PAK5: variants seen among roughly 807,000 people sequenced by gnomAD.
PAK5 encodes serine/threonine-protein kinase PAK 5.
PAK5 carries 16 observed loss-of-function variants against 65.9 expected under a neutral mutation model. The observed-to-expected ratio is 0.24, with a 90% CI of 0.16 to 0.37. The LOEUF (loss-of-function observed/expected upper bound fraction) is 0.37. Among genes scored for constraint, PAK5 ranks in the 10% least tolerant of loss-of-function variants. The pLI, the probability that PAK5 is intolerant of heterozygous loss-of-function variation, is 1.00. For synonymous variants in PAK5, 371 were observed against 354.9 expected, an observed-to-expected ratio of 1.05 and a Z score of -0.51; for missense variants, 785 against 903.9, an observed-to-expected ratio of 0.87 and a Z score of 1.69.
chr20:9,795,138 C>A (rs914859455), intron 1 of PAK5, among the ~76,000 whole-genome samples: 5 of 151,974 alleles, frequency 3.3e-5, no homozygotes, highest in Admixed American at 1.3e-4. Context: ...AAGAGGAACA[C>A]ATTAGTAGGC....
At chr20:9,637,105 A>G (rs1303588417) in intron 3 of PAK5, among the ~76,000 whole-genome samples, 1 of 152,162 alleles carries the variant, frequency 6.6e-6, no homozygotes, top group Non-Finnish European at 1.5e-5. Flanking sequence ...GGCTCAAACG[A>G]TCCTCCCACC....
chr20:9,574,835 T>C (rs2122985559), intron 4 of PAK5, among the ~76,000 whole-genome samples: 1 of 152,318 alleles, frequency 6.6e-6, no homozygotes, highest in South Asian at 2.1e-4. Context: ...TATTAAGTGA[T>C]CAAGTGCTTC....
At chr20:9,778,179 C>T (rs1170409734) in intron 1 of PAK5, among the ~76,000 whole-genome samples, 1 of 152,028 alleles carries the variant, frequency 6.6e-6, no homozygotes, top group Non-Finnish European at 1.5e-5. Flanking sequence ...ATAACTTCTC[C>T]GTGATGAAGA....
chr20:9,580,526 C>T lies in PAK5; in HGVS notation c.609G>A (p.Leu203=), dbSNP rs2123013784. 6.2e-7 allele frequency: 1 copy of T among 1,614,078 alleles called. No homozygotes were observed. The highest frequency in any genetic ancestry group is 2.2e-5 in the East Asian group (1 of 44,870). ...ARFSADYHSH[L]DSLSKPSEYS... is the part of the protein sequence containing the mutation. Reference sequence around the variant, plus strand: ...ATTCACTTGGTTTGCTCAGTGAGTCCAAATGTGAGTGATAATCGGCAGAAA... The same window carrying T: ...ATTCACTTGGTTTGCTCAGTGAGTCTAAATGTGAGTGATAATCGGCAGAAA... The change falls in exon 4 of 10, where the codon TTG becomes TTA. Residue 203 remains leucine, a synonymous_variant. Transcript: ENST00000353224.
intron 1 of PAK5, among the ~76,000 whole-genome samples, chr20:9,812,168 T>C (rs2049304996): frequency 6.6e-6 from 1 of 152,024 alleles, no homozygotes; most frequent in Non-Finnish European, 1.5e-5. Flanking sequence ...AGCATTAAAA[T>C]AAAAGACTAT....
intron 2 of PAK5, among the ~76,000 whole-genome samples, chr20:9,648,545 A>G (rs2047163614): frequency 6.6e-6 from 1 of 152,000 alleles, no homozygotes; most frequent in Non-Finnish European, 1.5e-5. Flanking sequence ...GGAACTTGCT[A>G]AAATCCAAGT....
At chr20:9,652,755 T>C (rs2047218256) in intron 2 of PAK5, among the ~76,000 whole-genome samples, 1 of 152,176 alleles carries the variant, frequency 6.6e-6, no homozygotes, top group African/African-American at 2.4e-5. Context: ...CCTTTTCTTC[T>C]TTTGTGGATC....
chr20:9,669,503 T>C (rs1380450213), intron 2 of PAK5, among the ~76,000 whole-genome samples: 1 of 152,136 alleles, frequency 6.6e-6, no homozygotes. Flanking sequence ...GAATTTCTTT[T>C]TGGATTAAAA....
intron 1 of PAK5, among the ~76,000 whole-genome samples, chr20:9,759,622 C>G (rs1168372145): frequency 2.0e-5 from 3 of 152,270 alleles, no homozygotes; most frequent in South Asian, 2.1e-4. Flanking sequence ...TAGCCCTGCC[C>G]TGAACAAAGT....
At chr20:9,560,258 T>C (rs1568963269) in intron 6 of PAK5, among the ~76,000 whole-genome samples, 2 of 152,150 alleles carry the variant, frequency 1.3e-5, no homozygotes, top group African/African-American at 4.8e-5. Flanking sequence ...TTCTTTCCTA[T>C]AGGAAAAAAG....
chr20:9,550,543 T>C lies in PAK5; in HGVS notation c.1744-6049A>G, dbSNP rs953453714. Reference sequence around the variant, plus strand: ...TAGGTGGTGGTTAAATCTGAAAGACTGGGTTTATAAAGGTATCATTTATAC... The same window carrying C: ...TAGGTGGTGGTTAAATCTGAAAGACCGGGTTTATAAAGGTATCATTTATAC... On this transcript the variant is annotated intron_variant, in intron 7 of 9. Transcript: ENST00000353224. Among the ~76,000 whole-genome samples the C allele has an allele frequency of 3.3e-5, 5 of 152,214 alleles. No homozygotes were observed. The East Asian group carries it at 9.6e-4, about 29-fold the overall frequency.
intron 1 of PAK5, among the ~76,000 whole-genome samples, chr20:9,801,588 A>G (rs1654171311): frequency 1.3e-5 from 2 of 151,202 alleles, no homozygotes; most frequent in African/African-American, 4.8e-5. Context: ...ATAGACTTTT[A>G]TATTTATAGA....
chr20:9,574,727 C>T (rs191721029), intron 4 of PAK5, among the ~76,000 whole-genome samples: 4 of 152,276 alleles, frequency 2.6e-5, no homozygotes, highest in Middle Eastern at 3.4e-3. Flanking sequence ...AAGGGACAGA[C>T]GTTAGAGATA....
intron 3 of PAK5, among the ~76,000 whole-genome samples, chr20:9,590,975 T>C (rs954411979): frequency 6.6e-6 from 1 of 152,176 alleles, no homozygotes; most frequent in Admixed American, 6.5e-5. Flanking sequence ...TCATGCCCTG[T>C]CCTCCATATG....
chr20:9,538,005 A>T lies in PAK5; in HGVS notation c.*1457T>A, dbSNP rs2045198080. On this transcript the variant is annotated 3_prime_UTR_variant, in exon 10 of 10. Transcript: ENST00000353224. The stretch of plus-strand genomic sequence containing the variant: ...TTACAGTATGTGAAATAGTTAAGAA[A>T]AGCCTCTGTTTTCCCAGTTTGGTAA... 1 of 232,400 alleles carries T rather than the reference A, an allele frequency of 4.3e-6. No homozygotes were observed. Among genetic ancestry groups the T allele is most frequent in the South Asian group, 1.8e-4 (1 of 5,522 alleles). The allele number at this position is 232,400 out of a possible 1,614,324, so 14.4% of individuals were successfully genotyped here. A position where few individuals can be genotyped will look rare whatever the true frequency, so the allele number is the denominator to read the frequency against.
At position 9,611,566 on chromosome 20, in the gene PAK5, C is replaced by T. The variant is rs868581306; in HGVS notation, c.205-30636G>A. On this transcript the variant is annotated intron_variant, in intron 3 of 9. Transcript: ENST00000353224. ...TCTTTGTTAAGATGCCATATAAGCC[C>T]CAAGGTCTAGTCACCCCTTTGAGTT... is the stretch of plus-strand genomic sequence containing the variant. 2.6e-5 allele frequency among the ~76,000 whole-genome samples: 4 copies of T among 152,294 alleles called. No individual in the cohort carries two copies. In the South Asian group the frequency reaches 8.3e-4, roughly 32 times the overall value.
chr20:9,728,859 T>C (rs8115326), intron 1 of PAK5, among the ~76,000 whole-genome samples: 11,183 of 152,124 alleles, frequency 0.074, 445 homozygotes, highest in Middle Eastern at 0.11. Flanking sequence ...ATAGCGGAAT[T>C]AAGTCGTAGT....
chr20:9,828,716 A>C (rs1265418545), intron 1 of PAK5, among the ~76,000 whole-genome samples: 1 of 152,260 alleles, frequency 6.6e-6, no homozygotes, highest in Non-Finnish European at 1.5e-5. Context: ...TCTAGAAAAT[A>C]GCTAAAGAAT....
chr20:9,801,612 C>G (rs1041385047), intron 1 of PAK5, among the ~76,000 whole-genome samples: 1 of 151,192 alleles, frequency 6.6e-6, no homozygotes, highest in African/African-American at 2.4e-5. Flanking sequence ...TATAATATTA[C>G]CAGGTAAACT....
Sources: allele counts gnomAD v4.1 joint callset (sites outside exome capture counted in the v4.1 genomes callset), GRCh38; gene constraint gnomAD v4.1.1; transcripts MANE v1.5; gene names NCBI Gene and HGNC (gene_info 2026-07-23, HGNC 2026-07-21).